The following FSTL4 variants were observed in gnomAD, a reference collection of about 807,000 sequenced individuals.
FSTL4 encodes follistatin-related protein 4.
A neutral mutation model predicts 78.2 loss-of-function variants in FSTL4; 28 were observed. The ratio of observed to expected loss-of-function variants is 0.36; its 90% CI spans 0.27 to 0.49. The LOEUF (loss-of-function observed/expected upper bound fraction) is 0.49, where lower values mean the gene tolerates loss of function less well. Ranked by LOEUF, FSTL4 falls within the 20% of genes least tolerant of loss-of-function variation. FSTL4 has a pLI of 0.98. For synonymous variants in FSTL4, 422 were observed against 440.5 expected, an observed-to-expected ratio of 0.96 and a Z score of 0.53; for missense variants, 922 against 1,084.9, an observed-to-expected ratio of 0.85 and a Z score of 2.11.
the FSTL4 span, among the ~76,000 whole-genome samples, chr5:133,744,640 A>G: frequency 6.6e-6 from 1 of 152,198 alleles, no homozygotes; most frequent in Non-Finnish European, 1.5e-5. Flanking sequence ...TACACCACCC[A>G]GGACAAAAAG....
chr5:133,776,171 GC>G, the FSTL4 span, among the ~76,000 whole-genome samples: 1 of 152,150 alleles, frequency 6.6e-6, no homozygotes, highest in Admixed American at 6.5e-5. Context: ...CTGGGTGGCA[GC>G]CTACAGAGAC....
intron 3 of FSTL4, among the ~76,000 whole-genome samples, chr5:133,511,582 A>C (rs560254310): frequency 2.0e-5 from 3 of 152,222 alleles, no homozygotes; most frequent in Non-Finnish European, 4.4e-5. Flanking sequence ...CCCGTGACAC[A>C]TCCTAAGAGG....
chr5:133,703,118 T>C, the FSTL4 span, among the ~76,000 whole-genome samples: 1 of 152,350 alleles, frequency 6.6e-6, no homozygotes, highest in East Asian at 1.9e-4. Flanking sequence ...GGATAATATC[T>C]GACAAATGAC....
chr5:133,204,407 A>T (rs1362985164), intron 14 of FSTL4, among the ~76,000 whole-genome samples: 1 of 152,230 alleles, frequency 6.6e-6, no homozygotes, highest in Non-Finnish European at 1.5e-5. Flanking sequence ...TCTCTTGCAA[A>T]TACAAACAAT....
intron 3 of FSTL4, among the ~76,000 whole-genome samples, chr5:133,558,935 C>G (rs1298574052): frequency 2.6e-5 from 4 of 152,078 alleles, no homozygotes; most frequent in African/African-American, 7.2e-5. Context: ...GGAGAGGTCT[C>G]CCCTTACAGA....
the FSTL4 span, among the ~76,000 whole-genome samples, chr5:133,752,489 T>C: frequency 6.6e-6 from 1 of 151,944 alleles, no homozygotes; most frequent in Non-Finnish European, 1.5e-5. Flanking sequence ...TGGTGGCGGG[T>C]GCCTGTAATC....
chr5:133,698,120 A>AT, the FSTL4 span, among the ~76,000 whole-genome samples: 4 of 152,188 alleles, frequency 2.6e-5, no homozygotes, highest in Admixed American at 2.0e-4. Flanking sequence ...ACCCCTGACT[A>AT]TCAAAGTCAA....
At chr5:133,503,439 C>T (rs1194499486) in intron 3 of FSTL4, among the ~76,000 whole-genome samples, 1 of 151,816 alleles carries the variant, frequency 6.6e-6, no homozygotes, top group Non-Finnish European at 1.5e-5. Context: ...TGTGCACTGG[C>T]TCCGGCACAC....
chr5:133,259,494 A>G (rs1752462982), intron 6 of FSTL4, among the ~76,000 whole-genome samples: 1 of 150,938 alleles, frequency 6.6e-6, no homozygotes, highest in Non-Finnish European at 1.5e-5. Context: ...AGGAGATGAA[A>G]AGTGATCAGA....
the FSTL4 span, among the ~76,000 whole-genome samples, chr5:133,698,105 C>T: frequency 6.6e-6 from 1 of 152,214 alleles, no homozygotes; most frequent in Non-Finnish European, 1.5e-5. Context: ...AGCAAGCTTC[C>T]TCTGACCCCT....
intron 4 of FSTL4, among the ~76,000 whole-genome samples, chr5:133,377,962 T>A (rs1336127170): frequency 6.6e-6 from 1 of 152,034 alleles, no homozygotes; most frequent in Non-Finnish European, 1.5e-5. Flanking sequence ...TGTCAGAAGC[T>A]AAAGAAGCCA....
At chr5:133,393,948 G>A (rs908092317) in intron 4 of FSTL4, among the ~76,000 whole-genome samples, 2 of 152,256 alleles carry the variant, frequency 1.3e-5, no homozygotes, top group African/African-American at 2.4e-5. Flanking sequence ...TCTGCACCAG[G>A]AGGTCTCCTG....
At chr5:133,422,033 A>G (rs1005625520) in intron 3 of FSTL4, among the ~76,000 whole-genome samples, 2 of 152,188 alleles carry the variant, frequency 1.3e-5, no homozygotes, top group Non-Finnish European at 2.9e-5. Context: ...GCATGGAGTG[A>G]GGGAACAAGC....
rs60873776 is a variant in FSTL4 at position 133,576,728 on chromosome 5, C to T, written c.127-9509G>A. On this transcript the variant is annotated intron_variant, in intron 2 of 15. Transcript: ENST00000265342. Reference sequence around the variant, plus strand: ...TTCCTGAAGACACACAAAAGGAAGCCCACGTGTCCAATTTATGAACCAATT... The same window carrying T: ...TTCCTGAAGACACACAAAAGGAAGCTCACGTGTCCAATTTATGAACCAATT... Among the ~76,000 whole-genome samples, 1,176 of 152,268 alleles carry T rather than the reference C, an allele frequency of 7.7e-3. 12 individuals are homozygous for T. The highest frequency in any genetic ancestry group is 0.027 in the African/African-American group (1,108 of 41,538).
At position 133,199,356 on chromosome 5, in the gene FSTL4, G is replaced by A. The variant is rs1750244550; in HGVS notation, c.2268C>T (p.His756=). ...SNQYNIYAAL[H]TEPDLLFLEL... ...CCAGGAACAGCAGGTCCGGCTCCGTGTGCAGAGCCGCGTAGATGTTGTATT... is the reference window on the plus strand; with the variant it reads ...CCAGGAACAGCAGGTCCGGCTCCGTATGCAGAGCCGCGTAGATGTTGTATT... The change falls in exon 16 of 16, where the codon CAC becomes CAT. Residue 756 remains histidine (H), a synonymous_variant. Transcript: ENST00000265342. The surrounding 1 kb of genome is among the most constrained non-coding windows in gnomAD (Gnocchi z 4.4). The A allele has an allele frequency of 1.9e-6, 3 of 1,614,000 alleles. No homozygotes were observed. The highest frequency in any genetic ancestry group is 2.5e-6 in the Non-Finnish European group (3 of 1,179,870).
the FSTL4 span, chr5:133,720,500 A>C: frequency 6.5e-6 from 1 of 153,498 alleles, no homozygotes; most frequent in African/African-American, 2.4e-5. Context: ...GAATTTTACC[A>C]ATAATGAAGA....
chr5:133,332,111 A>G (rs920842468), intron 4 of FSTL4, among the ~76,000 whole-genome samples: 3 of 152,262 alleles, frequency 2.0e-5, no homozygotes, highest in Non-Finnish European at 4.4e-5. Flanking sequence ...TAAACAGCAA[A>G]CCAGGTGTGG....
chr5:133,478,993 G>A (rs890808529), intron 3 of FSTL4, among the ~76,000 whole-genome samples: 14 of 152,180 alleles, frequency 9.2e-5, no homozygotes, highest in South Asian at 4.1e-4. Flanking sequence ...AAAGTGAAAT[G>A]TATTTGGATA....
chr5:133,685,925 C>A, the FSTL4 span, among the ~76,000 whole-genome samples: 4 of 152,184 alleles, frequency 2.6e-5, no homozygotes, highest in Non-Finnish European at 4.4e-5. Flanking sequence ...ATTCGCCACA[C>A]AATCTCTTCT....
Sources: gnomAD v4.1 joint callset for allele counts (sites outside exome capture counted in the v4.1 genomes callset) on GRCh38, gnomAD v4.1.1 for gene constraint, Gnocchi (gnomAD v3.1) non-coding constraint, MANE v1.5 for transcripts, NCBI Gene and HGNC (gene_info 2026-07-23, HGNC 2026-07-21) for gene names.